The following CTNNA3 variants were observed in gnomAD, a reference collection of about 807,000 sequenced individuals.
CTNNA3 encodes the protein catenin alpha 3.
In CTNNA3, 76 loss-of-function variants were observed where a neutral mutation model predicts 95.7. That is an observed-to-expected ratio of 0.79 (90% CI 0.66 to 0.96). CTNNA3 has a LOEUF of 0.96. CTNNA3 is among the 40% of genes least tolerant of loss of function. The pLI is 0.00. For synonymous variants in CTNNA3, 431 were observed against 374.4 expected, an observed-to-expected ratio of 1.15 and a Z score of -1.74; for missense variants, 1,191 against 1,089.8, an observed-to-expected ratio of 1.09 and a Z score of -1.31.
At chr10:66,569,529 CAT>C (rs1245837412) in intron 10 of CTNNA3, among the ~76,000 whole-genome samples, 2 of 152,116 alleles carry the variant, frequency 1.3e-5, no homozygotes, top group Non-Finnish European at 2.9e-5. Context: ...ACAGTAATAA[CAT>C]GTTTTGTGCA....
At chr10:66,934,680 G>T (rs1847591548) in intron 7 of CTNNA3, among the ~76,000 whole-genome samples, 1 of 151,924 alleles carries the variant, frequency 6.6e-6, no homozygotes, top group South Asian at 2.1e-4. Flanking sequence ...TATGTATAGG[G>T]GTACTCAACT....
intron 5 of CTNNA3, among the ~76,000 whole-genome samples, chr10:67,495,397 A>G (rs1838990660): frequency 6.6e-6 from 1 of 152,148 alleles, no homozygotes; most frequent in South Asian, 2.1e-4. Context: ...CCGTTTCCCT[A>G]AGACTCCTAG....
At chr10:65,945,308 T>A (rs1037686333) in intron 17 of CTNNA3, among the ~76,000 whole-genome samples, 3 of 152,174 alleles carry the variant, frequency 2.0e-5, no homozygotes, top group African/African-American at 7.2e-5. Context: ...AGTCTGGCGA[T>A]GACACATGCA....
In CTNNA3 at chr10:67,743,351, G is replaced by A. The variant is rs550323538; in HGVS notation, c.-2+20083C>T. Among the ~76,000 whole-genome samples the A allele has an allele frequency of 3.8e-4, 57 of 151,164 alleles. 1 individual carries two copies. Among genetic ancestry groups the A allele is most frequent in the African/African-American group, 1.2e-3 (49 of 41,320 alleles). Reference sequence around the variant, plus strand: ...GGGATGCAAGGCTGGTTCAACATACGCAAATCAATAAATGTAATCCAGCAT... The same window carrying A: ...GGGATGCAAGGCTGGTTCAACATACACAAATCAATAAATGTAATCCAGCAT... On this transcript the variant is annotated intron_variant, in intron 1 of 17. Coordinates refer to the CTNNA3 transcript ENST00000684154.
intron 5 of CTNNA3, among the ~76,000 whole-genome samples, chr10:67,507,257 C>T (rs189331199): frequency 8.6e-4 from 131 of 152,276 alleles, no homozygotes; most frequent in East Asian, 7.3e-3. Flanking sequence ...AGGCCGGGTG[C>T]AGTGGCTCAC....
At chr10:67,305,708 G>A (rs894853344) in intron 5 of CTNNA3, among the ~76,000 whole-genome samples, 1 of 152,210 alleles carries the variant, frequency 6.6e-6, no homozygotes, top group African/African-American at 2.4e-5. Context: ...CTGCACTAGA[G>A]TGGTAGATGT....
At chr10:67,321,617 C>A (rs1345920360) in intron 5 of CTNNA3, among the ~76,000 whole-genome samples, 1 of 152,086 alleles carries the variant, frequency 6.6e-6, no homozygotes, top group Non-Finnish European at 1.5e-5. Flanking sequence ...GGTTTCAGAG[C>A]CCTCTTCTTA....
At chr10:67,758,642 G>A (rs894840316) in intron 1 of CTNNA3, among the ~76,000 whole-genome samples, 7 of 151,668 alleles carry the variant, frequency 4.6e-5, no homozygotes, top group African/African-American at 1.2e-4. Flanking sequence ...TATAAAAACC[G>A]CACTACATCA....
At chr10:66,573,379 C>A (rs956415839) in intron 10 of CTNNA3, among the ~76,000 whole-genome samples, 2 of 152,226 alleles carry the variant, frequency 1.3e-5, no homozygotes, top group East Asian at 3.9e-4. Context: ...TTGCTCGCAG[C>A]CCATAGCTTC....
At chr10:66,610,203 A>G (rs532712205) in intron 10 of CTNNA3, among the ~76,000 whole-genome samples, 2 of 152,102 alleles carry the variant, frequency 1.3e-5, no homozygotes, top group South Asian at 2.1e-4. Context: ...CTTCATGTGT[A>G]TCTTTTGAAT....
chr10:66,841,435 T>C (rs1349942684), intron 7 of CTNNA3, among the ~76,000 whole-genome samples: 2 of 152,212 alleles, frequency 1.3e-5, no homozygotes, highest in Non-Finnish European at 2.9e-5. Context: ...TTCCTTCCAA[T>C]TCATTCAAAT....
intron 14 of CTNNA3, among the ~76,000 whole-genome samples, chr10:66,092,917 A>T (rs1341396123): frequency 6.6e-6 from 1 of 151,940 alleles, no homozygotes; most frequent in Non-Finnish European, 1.5e-5. Context: ...AAAAACTATA[A>T]TAAAAAAGAT....
chr10:67,482,268 T>A (rs1848264703), intron 5 of CTNNA3, among the ~76,000 whole-genome samples: 1 of 152,114 alleles, frequency 6.6e-6, no homozygotes, highest in South Asian at 2.1e-4. Flanking sequence ...TAAAGTAGTT[T>A]TTTCCAATTC....
At chr10:67,549,070 A>C (rs1840932722) in intron 3 of CTNNA3, among the ~76,000 whole-genome samples, 1 of 152,196 alleles carries the variant, frequency 6.6e-6, no homozygotes, top group Non-Finnish European at 1.5e-5. Flanking sequence ...GGTTTTAGTA[A>C]GGACCTTTGA....
chr10:66,542,216 A>G (rs533004881), intron 10 of CTNNA3, among the ~76,000 whole-genome samples: 161 of 152,250 alleles, frequency 1.1e-3, no homozygotes, highest in Admixed American at 1.6e-3. Flanking sequence ...TTAGAATGGC[A>G]ATCATTAAAA....
intron 10 of CTNNA3, among the ~76,000 whole-genome samples, chr10:66,618,315 A>C (rs1220984349): frequency 6.6e-6 from 1 of 152,066 alleles, no homozygotes; most frequent in Non-Finnish European, 1.5e-5. Flanking sequence ...AAACTATACT[A>C]CAAGGCTACA....
At chr10:66,608,437 T>TA (rs986522745) in intron 10 of CTNNA3, among the ~76,000 whole-genome samples, 8 of 151,634 alleles carry the variant, frequency 5.3e-5, no homozygotes, top group African/African-American at 1.7e-4. Flanking sequence ...CACACAACTA[T>TA]AAAAAAAACT....
At chr10:66,278,138 A>G (rs10997032) in intron 13 of CTNNA3, among the ~76,000 whole-genome samples, 45,845 of 147,178 alleles carry the variant, frequency 0.31, 8,344 homozygotes, top group African/African-American at 0.5. Context: ...TAGGACTTAA[A>G]AACAAGAACA....
chr10:66,133,497 A>G (rs1004768609), intron 13 of CTNNA3, among the ~76,000 whole-genome samples: 5 of 151,598 alleles, frequency 3.3e-5, no homozygotes, highest in Admixed American at 6.6e-5. Flanking sequence ...TGGTCGACAG[A>G]GTGAGAGTCT....
Sources: allele counts gnomAD v4.1 joint callset (sites outside exome capture counted in the v4.1 genomes callset), GRCh38; gene constraint gnomAD v4.1.1; transcripts MANE v1.5; gene names NCBI Gene and HGNC (gene_info 2026-07-23, HGNC 2026-07-21).